VRK2: variants seen among roughly 807,000 people sequenced by gnomAD.
The protein encoded by VRK2 is serine/threonine-protein kinase VRK2.
In VRK2, 60 loss-of-function variants were observed where a neutral mutation model predicts 57.6. That is an observed-to-expected ratio of 1.04 (90% CI 0.85 to 1.29). The LOEUF (loss-of-function observed/expected upper bound fraction) is 1.29. Ranked by LOEUF, VRK2 falls within the 50% of genes most tolerant of loss-of-function variation. The pLI, the probability that VRK2 is intolerant of heterozygous loss-of-function variation, is 0.00. For synonymous variants in VRK2, 231 were observed against 199.2 expected (o/e 1.16, Z -1.35); for missense variants, 705 against 588.1 (o/e 1.20, Z -2.06).
intron 1 of VRK2, among the ~76,000 whole-genome samples, chr2:57,986,486 A>G (rs777129885): frequency 6.6e-6 from 1 of 152,202 alleles, no homozygotes; most frequent in African/African-American, 2.4e-5. Context: ...AAAAAGAATA[A>G]CATTTGAAGA....
intron 1 of VRK2, among the ~76,000 whole-genome samples, chr2:57,960,685 G>A (rs1671730988): frequency 6.6e-6 from 1 of 152,182 alleles, no homozygotes; most frequent in African/African-American, 2.4e-5. Flanking sequence ...TCTCCTTTCT[G>A]CTGGCTCATT....
chr2:58,159,655 C>G lies in VRK2; in HGVS notation c.1489C>G (p.Leu497Val). 6.2e-7 allele frequency: 1 copy of G among 1,613,430 alleles called. No homozygotes were observed. Among genetic ancestry groups the G allele is most frequent in the Non-Finnish European group, 8.5e-7 (1 of 1,179,644 alleles). Residue 497 changes from leucine to valine, a missense_variant, in exon 13 of 13, where the codon CTT becomes GTT. Coordinates refer to ENST00000340157, the MANE Select transcript of VRK2 (RefSeq NM_006296.7). ...VYYYRIIIPVLLMLVFLALFF... is the reference protein window; with the variant it reads ...VYYYRIIIPVVLMLVFLALFF... ...TTATTATCGCATCATCATACCTGTC[C>G]TTTTGATGTTAGTATTTCTTGCTTT...
At chr2:58,139,627 C>G in intron 10 of VRK2, 39 bp from the exon 11 acceptor site, 1 of 1,570,828 alleles carries the variant, frequency 6.4e-7, no homozygotes, top group Non-Finnish European at 8.7e-7. Context: ...CAATTCTTGC[C>G]AATTGTGAAT....
intron 7 of VRK2, among the ~76,000 whole-genome samples, chr2:58,113,549 A>G (rs1194610296): frequency 6.6e-6 from 1 of 151,900 alleles, no homozygotes; most frequent in African/African-American, 2.4e-5. Context: ...GAAGGGAGAT[A>G]GGGGTGGGAC....
intron 9 of VRK2, 113 bp downstream of exon 9, chr2:58,132,041 A>T (rs1279274948): frequency 8.3e-6 from 11 of 1,332,026 alleles, no homozygotes; most frequent in Non-Finnish European, 1.1e-5. Flanking sequence ...AACCAAAGCA[A>T]ATTTCTTTAG....
intron 1 of VRK2, among the ~76,000 whole-genome samples, chr2:58,001,091 G>T (rs1363040228): frequency 6.6e-5 from 10 of 152,220 alleles, no homozygotes; most frequent in South Asian, 2.1e-4. Context: ...CAGATGAAAT[G>T]AAATATTAAA....
intron 10 of VRK2, 66 bp downstream of exon 10, chr2:58,135,265 T>G: frequency 6.3e-7 from 1 of 1,580,416 alleles, no homozygotes; most frequent in Admixed American, 1.7e-5. Flanking sequence ...TCGTTATCGT[T>G]TGGTAGCTTT....
At position 58,086,340 on chromosome 2, in the gene VRK2, C is replaced by A; in HGVS notation, c.258C>A (p.Ile86=). The change falls in exon 5 of 13, where the codon ATC becomes ATA. Residue 86 remains isoleucine, a splice_region_variant and synonymous_variant. Transcript: ENST00000340157. ...TTAAAAATAAATTTGTCTTTGTAGTCAAAAAGTGGATAGAACGCAAACAAC... is the reference window on the plus strand; with the variant it reads ...TTAAAAATAAATTTGTCTTTGTAGTAAAAAAGTGGATAGAACGCAAACAAC... ...FYQRVAKKDC[I]KKWIERKQLD... 1 of 1,599,282 alleles carries A rather than the reference C, an allele frequency of 6.3e-7. No homozygotes were observed. The highest frequency in any genetic ancestry group is 8.5e-7 in the Non-Finnish European group (1 of 1,175,238).
chr2:57,928,690 C>CTCAGTAT (rs1469472893), intron 1 of VRK2, among the ~76,000 whole-genome samples: 2 of 152,094 alleles, frequency 1.3e-5, no homozygotes, highest in African/African-American at 4.8e-5. Flanking sequence ...GGAAGGCTTT[C>CTCAGTAT]TCAGTATTCA....
chr2:58,032,481 C>A (rs1398992605), intron 2 of VRK2, among the ~76,000 whole-genome samples: 1 of 151,928 alleles, frequency 6.6e-6, no homozygotes, highest in Non-Finnish European at 1.5e-5. Flanking sequence ...GGGCACTAAC[C>A]CTGCTCCACC....
At chr2:58,113,484 A>G (rs1675901241) in intron 7 of VRK2, among the ~76,000 whole-genome samples, 1 of 152,088 alleles carries the variant, frequency 6.6e-6, no homozygotes, top group Non-Finnish European at 1.5e-5. Context: ...TGTGAGCAAT[A>G]TGGCTGTTTA....
intron 1 of VRK2, among the ~76,000 whole-genome samples, chr2:58,018,450 T>C (rs940179409): frequency 6.6e-5 from 10 of 152,242 alleles, no homozygotes; most frequent in Non-Finnish European, 1.2e-4. Flanking sequence ...ATTTTAAAAC[T>C]AAAATTCCAT....
At chr2:58,100,285 A>G (rs1368713816) in intron 7 of VRK2, among the ~76,000 whole-genome samples, 2 of 151,990 alleles carry the variant, frequency 1.3e-5, no homozygotes, top group Non-Finnish European at 2.9e-5. Flanking sequence ...ATTTAGAAGT[A>G]GTGTTTCTTG....
intron 1 of VRK2, among the ~76,000 whole-genome samples, chr2:57,918,991 T>C (rs1436816504): frequency 6.6e-6 from 1 of 152,160 alleles, no homozygotes; most frequent in African/African-American, 2.4e-5. Flanking sequence ...ATGTGGGCTG[T>C]AAGAATTAAT....
At chr2:57,981,674 A>G (rs1023348007) in intron 1 of VRK2, among the ~76,000 whole-genome samples, 1 of 152,198 alleles carries the variant, frequency 6.6e-6, no homozygotes, top group Non-Finnish European at 1.5e-5. Flanking sequence ...AGGAGTGCCA[A>G]TGAGTCATAA....
At chr2:58,035,794 T>A (rs1674256115) in intron 3 of VRK2, among the ~76,000 whole-genome samples, 1 of 152,044 alleles carries the variant, frequency 6.6e-6, no homozygotes. Flanking sequence ...TGAATTGAAG[T>A]GGCATCAGAT....
intron 1 of VRK2, among the ~76,000 whole-genome samples, chr2:58,016,549 G>A (rs1673589266): frequency 6.6e-6 from 1 of 151,954 alleles, no homozygotes; most frequent in Non-Finnish European, 1.5e-5. Flanking sequence ...AGTAGAGATG[G>A]GGATTCACCA....
intron 1 of VRK2, among the ~76,000 whole-genome samples, chr2:57,909,476 GTT>G (rs1553358126): frequency 7.2e-5 from 8 of 111,664 alleles, no homozygotes; most frequent in African/African-American, 2.2e-4. Flanking sequence ...GTGTGTGTGT[GTT>G]TTTTTTTTAG....
intron 7 of VRK2, among the ~76,000 whole-genome samples, chr2:58,101,296 C>T (rs1673924543): frequency 6.6e-6 from 1 of 151,584 alleles, no homozygotes. Context: ...TAGAGAACTC[C>T]ATATGACTAT....
Sources: allele counts gnomAD v4.1 joint callset (sites outside exome capture counted in the v4.1 genomes callset), GRCh38; gene constraint gnomAD v4.1.1; transcripts MANE v1.5; gene names NCBI Gene and HGNC (gene_info 2026-07-23, HGNC 2026-07-21).